The following PTPRD variants were observed in gnomAD, a reference collection of about 807,000 sequenced individuals.
PTPRD encodes the protein protein tyrosine phosphatase receptor type D.
In PTPRD, 34 loss-of-function variants were observed where a neutral mutation model predicts 214.5. The observed-to-expected ratio is 0.16, with a 90% CI of 0.12 to 0.21. The LOEUF is 0.21. Ranked by LOEUF, PTPRD falls within the 10% of genes least tolerant of loss-of-function variation. The pLI, the probability that PTPRD is intolerant of heterozygous loss-of-function variation, is 1.00. For missense variants in PTPRD, 2,545 were observed against 2,398.7 expected, an observed-to-expected ratio of 1.06 and a Z score of -1.27; for synonymous variants, 1,128 against 845.7, an observed-to-expected ratio of 1.33 and a Z score of -5.79.
intron 11 of PTPRD, chr9:8,962,000 T>A (rs1274663316): frequency 6.6e-6 from 1 of 152,136 alleles, no homozygotes; most frequent in African/African-American, 2.4e-5. Flanking sequence ...GCGATGTCAT[T>A]TCATGTATTT....
rs1283703541 is a variant in PTPRD at position 10,377,890 on chromosome 9, G to GATACACTGAT, written c.-599-36883_-599-36874dup. 4.6e-5 allele frequency among the ~76,000 whole-genome samples: 7 copies of GATACACTGAT among 152,162 alleles called. No individual in the cohort carries two copies. The East Asian group carries it at 5.8e-4, about 13-fold the overall frequency. ...AACATGGAAGTGCAGAGATCTCATT[G>GATACACTGAT]ATACACTGATTTCATTTCTTTTGGG... On this transcript the variant is annotated intron_variant, in intron 2 of 45. Coordinates refer to ENST00000381196, the MANE Select transcript of PTPRD (RefSeq NM_002839.4).
intron 11 of PTPRD, among the ~76,000 whole-genome samples, chr9:8,755,728 T>A (rs1263957472): frequency 6.6e-6 from 1 of 152,150 alleles, no homozygotes; most frequent in Non-Finnish European, 1.5e-5. Flanking sequence ...TACCTTCTAA[T>A]CATTTTGAAG....
intron 3 of PTPRD, among the ~76,000 whole-genome samples, chr9:10,274,081 G>A (rs559409867): frequency 6.6e-6 from 1 of 152,028 alleles, no homozygotes; most frequent in South Asian, 2.1e-4. Context: ...GTTTCTTCAG[G>A]TGTAAATGAA....
chr9:8,816,912 T>C (rs1166531337), intron 11 of PTPRD, among the ~76,000 whole-genome samples: 1 of 152,234 alleles, frequency 6.6e-6, no homozygotes, highest in Non-Finnish European at 1.5e-5. Flanking sequence ...CTGAATCTTT[T>C]ATTGTCATTT....
At chr9:9,988,283 T>A (rs1322676771) in intron 4 of PTPRD, among the ~76,000 whole-genome samples, 1 of 152,196 alleles carries the variant, frequency 6.6e-6, no homozygotes, top group Non-Finnish European at 1.5e-5. Context: ...TGAAATTATG[T>A]TAGTTATTTT....
intron 3 of PTPRD, among the ~76,000 whole-genome samples, chr9:10,062,544 T>C (rs1364524279): frequency 6.6e-6 from 1 of 152,022 alleles, no homozygotes; most frequent in Non-Finnish European, 1.5e-5. Flanking sequence ...AGGCAGAGGT[T>C]GCAGTTAGCC....
intron 3 of PTPRD, among the ~76,000 whole-genome samples, chr9:10,081,410 G>A (rs758287453): frequency 6.6e-6 from 1 of 152,048 alleles, no homozygotes; most frequent in Non-Finnish European, 1.5e-5. Context: ...CTAACCCCTA[G>A]TGTGATGATA....
chr9:8,702,273 A>G (rs529779306), intron 12 of PTPRD, among the ~76,000 whole-genome samples: 1 of 151,826 alleles, frequency 6.6e-6, no homozygotes. Context: ...AAAAAAAAAA[A>G]TGCTCTGAGT....
At chr9:9,603,553 C>T (rs1351154597) in intron 7 of PTPRD, among the ~76,000 whole-genome samples, 1 of 152,152 alleles carries the variant, frequency 6.6e-6, no homozygotes, top group Non-Finnish European at 1.5e-5. Flanking sequence ...AGCATTACCA[C>T]CTGAGCTCCA....
At chr9:10,025,786 C>T (rs1326300251) in intron 4 of PTPRD, among the ~76,000 whole-genome samples, 1 of 152,148 alleles carries the variant, frequency 6.6e-6, no homozygotes, top group Non-Finnish European at 1.5e-5. Flanking sequence ...GAGGTGTAAC[C>T]TATTCATCCC....
At chr9:10,362,339 T>A (rs1338876200) in intron 2 of PTPRD, among the ~76,000 whole-genome samples, 2 of 21,752 alleles carry the variant, frequency 9.2e-5, no homozygotes, top group Non-Finnish European at 1.4e-4. Flanking sequence ...CAGAGAAATT[T>A]TTTTTTTTTT....
chr9:9,136,652 G>A (rs986811468), intron 10 of PTPRD, among the ~76,000 whole-genome samples: 1 of 152,090 alleles, frequency 6.6e-6, no homozygotes, highest in Non-Finnish European at 1.5e-5. Context: ...TTTTTCAACT[G>A]CAGTGTTTCC....
chr9:9,636,931 T>C (rs954960244), intron 7 of PTPRD, among the ~76,000 whole-genome samples: 1 of 152,182 alleles, frequency 6.6e-6, no homozygotes, highest in Non-Finnish European at 1.5e-5. Flanking sequence ...AAGGTGCACC[T>C]TGAAGCTTGT....
intron 3 of PTPRD, among the ~76,000 whole-genome samples, chr9:10,340,551 G>T (rs994744596): frequency 4.0e-5 from 6 of 151,856 alleles, no homozygotes; most frequent in Non-Finnish European, 8.8e-5. Context: ...TTAAAAACTA[G>T]CTCAGATATT....
At chr9:8,974,646 G>C (rs374033707) in intron 11 of PTPRD, among the ~76,000 whole-genome samples, 1 of 151,896 alleles carries the variant, frequency 6.6e-6, no homozygotes, top group African/African-American at 2.4e-5. Context: ...TACTGCTTAC[G>C]TTTATTAATC....
At chr9:10,209,075 G>T (rs1286405559) in intron 3 of PTPRD, among the ~76,000 whole-genome samples, 3 of 152,158 alleles carry the variant, frequency 2.0e-5, no homozygotes, top group Admixed American at 6.5e-5. Flanking sequence ...TATGAATGCT[G>T]CAGTTCGTGA....
intron 14 of PTPRD, among the ~76,000 whole-genome samples, chr9:8,563,222 C>T (rs72696667): frequency 2.7e-3 from 413 of 151,982 alleles, no homozygotes; most frequent in Middle Eastern, 6.8e-3. Flanking sequence ...GCCTGGGAAG[C>T]GTATTGGTGA....
chr9:9,120,890 T>A (rs1245603527), intron 10 of PTPRD, among the ~76,000 whole-genome samples: 1 of 152,196 alleles, frequency 6.6e-6, no homozygotes, highest in African/African-American at 2.4e-5. Context: ...CTTGCTTGAA[T>A]CTAAAATGCA....
At chr9:8,703,867 A>T (rs2098142264) in intron 12 of PTPRD, among the ~76,000 whole-genome samples, 1 of 152,156 alleles carries the variant, frequency 6.6e-6, no homozygotes, top group South Asian at 2.1e-4. Context: ...AATATGTCCC[A>T]AACCGAGCTC....
Sources: gnomAD v4.1 joint callset for allele counts (sites outside exome capture counted in the v4.1 genomes callset) on GRCh38, gnomAD v4.1.1 for gene constraint, MANE v1.5 for transcripts, NCBI Gene and HGNC (gene_info 2026-07-23, HGNC 2026-07-21) for gene names.